Variants in REDIC1 observed in about 807,000 individuals in gnomAD.
REDIC1 encodes the protein regulator of DNA class I crossover intermediates 1, also known as HEI10 Interacting Protein 1.
At chr12:39,694,637 G>A in the REDIC1 span, among the ~76,000 whole-genome samples, 1 of 152,162 alleles carries the variant, frequency 6.6e-6, no homozygotes, top group Admixed American at 6.5e-5. Flanking sequence ...AAAGTGCTCT[G>A]GTGCTCTAAG....
chr12:39,691,298 A>T, the REDIC1 span, among the ~76,000 whole-genome samples: 1 of 152,210 alleles, frequency 6.6e-6, no homozygotes, highest in Non-Finnish European at 1.5e-5. Flanking sequence ...AAGCAGCTAG[A>T]CAATTTCTCC....
the REDIC1 span, chr12:39,754,368 T>G: frequency 6.6e-6 from 1 of 152,244 alleles, no homozygotes; most frequent in East Asian, 1.9e-4. Context: ...CGTGGGATTT[T>G]CAAGGGTCAT....
At chr12:39,859,448 C>T in the REDIC1 span, among the ~76,000 whole-genome samples, 899 of 151,650 alleles carry the variant, frequency 5.9e-3, 3 homozygotes, top group Middle Eastern at 0.014. Flanking sequence ...TGAGGCTGAC[C>T]GCTGGAAAGG....
chr12:39,750,975 GCA>G, the REDIC1 span, among the ~76,000 whole-genome samples: 1 of 152,052 alleles, frequency 6.6e-6, no homozygotes, highest in African/African-American at 2.4e-5. Context: ...GAAAACCTAG[GCA>G]ATACCATTCA....
the REDIC1 span, among the ~76,000 whole-genome samples, chr12:39,711,519 G>A: frequency 1.1e-4 from 15 of 133,878 alleles, no homozygotes; most frequent in African/African-American, 3.3e-4. Context: ...GTGTATATAT[G>A]TGTATATGTG....
the REDIC1 span, chr12:39,646,407 C>A: frequency 5.4e-6 from 8 of 1,487,302 alleles, no homozygotes; most frequent in East Asian, 1.1e-4. Context: ...TTAGAACTTA[C>A]AATGTCGCCT....
At chr12:39,626,247 T>C in the REDIC1 span, 5 of 1,475,864 alleles carry the variant, frequency 3.4e-6, no homozygotes, top group East Asian at 2.3e-5. Flanking sequence ...CAGGAGGCCC[T>C]GGGGGATCCT....
chr12:39,708,391 G>C, the REDIC1 span, among the ~76,000 whole-genome samples: 1 of 151,724 alleles, frequency 6.6e-6, no homozygotes, highest in South Asian at 2.1e-4. Flanking sequence ...ATTTTGTTTA[G>C]TCTTTGCATA....
At chr12:39,767,028 T>A in the REDIC1 span, among the ~76,000 whole-genome samples, 1 of 152,126 alleles carries the variant, frequency 6.6e-6, no homozygotes, top group Non-Finnish European at 1.5e-5. Context: ...CGAATGTTTT[T>A]AATAGCATCC....
At chr12:39,667,378 T>C in the REDIC1 span, among the ~76,000 whole-genome samples, 2 of 152,230 alleles carry the variant, frequency 1.3e-5, no homozygotes, top group Non-Finnish European at 2.9e-5. Context: ...TTAGCGGTTT[T>C]GAGTGAGTTT....
chr12:39,711,891 GTA>G, the REDIC1 span, among the ~76,000 whole-genome samples: 379 of 46,144 alleles, frequency 8.2e-3, 3 homozygotes, highest in African/African-American at 0.033. Flanking sequence ...ATGTGTATGT[GTA>G]TACACGTATA....
At chr12:39,778,181 G>A in the REDIC1 span, among the ~76,000 whole-genome samples, 1 of 152,340 alleles carries the variant, frequency 6.6e-6, no homozygotes, top group African/African-American at 2.4e-5. Context: ...TCCCATTTCA[G>A]AAGGACATTT....
At chr12:39,793,542 A>T in the REDIC1 span, among the ~76,000 whole-genome samples, 1 of 152,180 alleles carries the variant, frequency 6.6e-6, no homozygotes, top group African/African-American at 2.4e-5. Flanking sequence ...GTACTTGTAT[A>T]GTACTTGGAA....
At chr12:39,630,698 C>A in the REDIC1 span, among the ~76,000 whole-genome samples, 2 of 152,148 alleles carry the variant, frequency 1.3e-5, no homozygotes, top group Non-Finnish European at 2.9e-5. Flanking sequence ...TTTGGCTACT[C>A]AGAGGCAAGG....
chr12:39,678,740 ATAAT>A, the REDIC1 span, among the ~76,000 whole-genome samples: 1 of 152,106 alleles, frequency 6.6e-6, no homozygotes, highest in Non-Finnish European at 1.5e-5. Context: ...TATCCAAAAG[ATAAT>A]ACATCATGAT....
chr12:39,709,610 G>A, the REDIC1 span, among the ~76,000 whole-genome samples: 2 of 148,548 alleles, frequency 1.3e-5, no homozygotes, highest in African/African-American at 5.0e-5. Context: ...TTTTTTTGAT[G>A]GCTTGTTTCA....
At chr12:39,740,015 T>A in the REDIC1 span, among the ~76,000 whole-genome samples, 1 of 152,240 alleles carries the variant, frequency 6.6e-6, no homozygotes, top group Non-Finnish European at 1.5e-5. Context: ...TTAGTCCTTC[T>A]TAGATAGCTG....
At chr12:39,866,092 A>C in the REDIC1 span, among the ~76,000 whole-genome samples, 1 of 152,248 alleles carries the variant, frequency 6.6e-6, no homozygotes, top group African/African-American at 2.4e-5. Flanking sequence ...AAATAAGTTT[A>C]AAACATGGAA....
chr12:39,698,829 A>T, the REDIC1 span, among the ~76,000 whole-genome samples: 1 of 152,232 alleles, frequency 6.6e-6, no homozygotes, highest in Non-Finnish European at 1.5e-5. Flanking sequence ...CCTGTGGGAT[A>T]CAGCAAAAGC....
Sources: allele counts gnomAD v4.1 joint callset (sites outside exome capture counted in the v4.1 genomes callset), GRCh38; gene constraint gnomAD v4.1.1; transcripts MANE v1.5; gene names NCBI Gene and HGNC (gene_info 2026-07-23, HGNC 2026-07-21).